Variants in TBC1D1 observed in about 807,000 individuals in gnomAD.
The protein encoded by TBC1D1 is TBC1 (tre-2/USP6, BUB2, cdc16) domain family, member 1.
TBC1D1 carries 89 observed loss-of-function variants against 125.6 expected under a neutral mutation model. The ratio of observed to expected loss-of-function variants is 0.71; its 90% confidence interval spans 0.60 to 0.85. The LOEUF is 0.85. Among genes scored for constraint, TBC1D1 ranks in the 40% least tolerant of loss-of-function variants. TBC1D1 has a pLI of 0.00. For synonymous variants in TBC1D1, 565 were observed against 564.1 expected, an observed-to-expected ratio of 1.00 and a Z score of -0.02; for missense variants, 1,377 against 1,469.2, an observed-to-expected ratio of 0.94 and a Z score of 1.03.
intron 2 of TBC1D1, among the ~76,000 whole-genome samples, chr4:37,904,935 C>T (rs188492824): frequency 6.0e-4 from 91 of 152,338 alleles, no homozygotes; most frequent in Admixed American, 9.8e-4. Flanking sequence ...CTCTTGACTA[C>T]TTATAACATT....
At chr4:38,047,251 G>A (rs563872968) in intron 10 of TBC1D1, among the ~76,000 whole-genome samples, 5 of 152,228 alleles carry the variant, frequency 3.3e-5, no homozygotes, top group African/African-American at 9.6e-5. Flanking sequence ...CAGGTGCTCC[G>A]CCTCCCGGGT....
rs753095093 is a variant in TBC1D1, at chr4:38,014,505, T to C, written c.418-4T>C. On this transcript the variant is annotated splice_region_variant and splice_polypyrimidine_tract_variant and intron_variant, in intron 2 of 19. Transcript: ENST00000261439. The surrounding 1 kb of genome is among the most constrained non-coding windows in gnomAD (Gnocchi z 5.1). ...CCAAATAACACGCCTCTCTCTCTCC[T>C]CAGGTGCCTGAGATCATCAGCTCCA... The C allele has an allele frequency of 1.2e-6, 2 of 1,611,142 alleles. No individual in the cohort carries two copies. The highest frequency in any genetic ancestry group is 1.7e-6 in the Non-Finnish European group (2 of 1,178,324).
At chr4:37,929,857 T>A (rs935703475) in intron 2 of TBC1D1, among the ~76,000 whole-genome samples, 1 of 151,980 alleles carries the variant, frequency 6.6e-6, no homozygotes, top group East Asian at 1.9e-4. Flanking sequence ...CTAAAGCCTC[T>A]TAGGGAGAAA....
rs1319729878 is a variant in TBC1D1 at position 37,977,137 on chromosome 4, C to A, written c.418-37372C>A. Among the ~76,000 whole-genome samples, 2 of 152,110 alleles carry A rather than the reference C, an allele frequency of 1.3e-5. No individual in the cohort carries two copies. Among genetic ancestry groups the A allele is most frequent in the Admixed American group, 6.5e-5 (1 of 15,286 alleles). The stretch of plus-strand genomic sequence containing the variant: ...CGTCCCCAGCCTCCAGGGTTTCCTG[C>A]GCAGCCCTGGGCATCTCGGAAGGGG... On this transcript the variant is annotated intron_variant, in intron 2 of 19. Coordinates refer to ENST00000261439, the MANE Select transcript of TBC1D1 (RefSeq NM_015173.4). This position sits in a 1 kb window ranked among gnomAD's most constrained non-coding sequence, Gnocchi z 4.3.
At chr4:37,940,530 G>A (rs1425405975) in intron 2 of TBC1D1, among the ~76,000 whole-genome samples, 3 of 152,128 alleles carry the variant, frequency 2.0e-5, no homozygotes, top group Admixed American at 6.6e-5. Flanking sequence ...TCTCCTGCCT[G>A]ATTGCCCTGG....
intron 2 of TBC1D1, among the ~76,000 whole-genome samples, chr4:37,941,774 G>A (rs1446385707): frequency 3.9e-5 from 6 of 152,182 alleles, no homozygotes; most frequent in Non-Finnish European, 5.9e-5. Context: ...CCTTCATTTC[G>A]TTATGTACCC....
At chr4:38,043,082 A>G (rs778980900) in intron 8 of TBC1D1, among the ~76,000 whole-genome samples, 1 of 151,796 alleles carries the variant, frequency 6.6e-6, no homozygotes, top group Non-Finnish European at 1.5e-5. Context: ...TTGTATTTTT[A>G]GTAGAGACAG....
At chr4:37,970,337 G>GAGATGA (rs1731788414) in intron 2 of TBC1D1, among the ~76,000 whole-genome samples, 1 of 152,220 alleles carries the variant, frequency 6.6e-6, no homozygotes, top group African/African-American at 2.4e-5. Flanking sequence ...CTGTTTGTAA[G>GAGATGA]AGATGATTGC....
intron 7 of TBC1D1, among the ~76,000 whole-genome samples, chr4:38,028,110 AAAAC>A (rs532025130): frequency 2.2e-3 from 324 of 150,692 alleles, no homozygotes; most frequent in Non-Finnish European, 3.4e-3. Context: ...AGCTGCTAAA[AAAAC>A]AAACAAACAA....
At chr4:38,003,317 G>C (rs1240134121) in intron 2 of TBC1D1, among the ~76,000 whole-genome samples, 1 of 152,168 alleles carries the variant, frequency 6.6e-6, no homozygotes, top group Admixed American at 6.5e-5. Context: ...GAAGGAAGGA[G>C]GGGGACATGT....
chr4:37,992,203 A>G (rs550484827), intron 2 of TBC1D1, among the ~76,000 whole-genome samples: 2 of 152,256 alleles, frequency 1.3e-5, no homozygotes, highest in South Asian at 4.1e-4. Context: ...GGATGGATGT[A>G]GGGAGATGCC....
intron 2 of TBC1D1, among the ~76,000 whole-genome samples, chr4:37,956,902 G>A (rs533517051): frequency 2.0e-5 from 3 of 150,494 alleles, no homozygotes; most frequent in South Asian, 2.1e-4. Flanking sequence ...TCGCGCCACC[G>A]CACTCCAGCC....
chr4:38,096,204 A>T (rs9306958), intron 14 of TBC1D1, 114 bp downstream of exon 16: 9,937 of 799,140 alleles, frequency 0.012, 310 homozygotes, highest in African/African-American at 0.074. Flanking sequence ...CCTTCTTTTC[A>T]TCACATCTTA....
At chr4:38,087,333 A>G (rs140374847) in intron 12 of TBC1D1, among the ~76,000 whole-genome samples, 137 of 152,324 alleles carry the variant, frequency 9.0e-4, no homozygotes, top group Non-Finnish European at 1.5e-3. Flanking sequence ...AGTGGCAGAG[A>G]GTACATGGAT....
At chr4:37,908,916 A>G (rs972521311) in intron 2 of TBC1D1, among the ~76,000 whole-genome samples, 1 of 152,136 alleles carries the variant, frequency 6.6e-6, no homozygotes, top group African/African-American at 2.4e-5. Flanking sequence ...GAGAAGATGT[A>G]TTTGGATTCC....
chr4:37,921,381 A>G (rs940168946), intron 2 of TBC1D1, among the ~76,000 whole-genome samples: 29 of 149,688 alleles, frequency 1.9e-4, no homozygotes, highest in African/African-American at 6.8e-4. Flanking sequence ...TATTATATAC[A>G]TAATACATAT....
intron 2 of TBC1D1, chr4:37,996,182 G>C (rs1737752167): frequency 2.8e-6 from 1 of 354,714 alleles, no homozygotes; most frequent in African/African-American, 2.1e-5. Context: ...TCCCTGCTCA[G>C]GCACCCACCA....
At chr4:38,010,336 C>T (rs1239564440) in intron 2 of TBC1D1, among the ~76,000 whole-genome samples, 2 of 152,160 alleles carry the variant, frequency 1.3e-5, no homozygotes, top group Non-Finnish European at 2.9e-5. Context: ...TGCCTCCCCC[C>T]AGGTCCCCAT....
chr4:38,090,165 C>T, intron 13 of TBC1D1, 48 bp downstream of exon 15: 2 of 1,584,418 alleles, frequency 1.3e-6, no homozygotes, highest in Non-Finnish European at 1.7e-6. Context: ...TATCTTGGCT[C>T]TGAAGTTAAT....
Sources: gnomAD v4.1 joint callset for allele counts (sites outside exome capture counted in the v4.1 genomes callset) on GRCh38, gnomAD v4.1.1 for gene constraint, Gnocchi (gnomAD v3.1) non-coding constraint, MANE v1.5 for transcripts, NCBI Gene and HGNC (gene_info 2026-07-23, HGNC 2026-07-21) for gene names.